Variants in SLC16A2 observed in about 807,000 individuals in gnomAD.
SLC16A2 encodes the protein solute carrier family 16 member 2, also known as monocarboxylate transporter 8.
A neutral mutation model predicts 27.2 loss-of-function variants in SLC16A2; 3 were observed. That is an observed-to-expected ratio of 0.11 (90% CI 0.05 to 0.28). SLC16A2 has a LOEUF of 0.28. SLC16A2 is among the 10% of genes least tolerant of loss of function. The probability of loss-of-function intolerance (pLI) is 1.00; values close to 1 mark genes in which losing one functional copy is unlikely to be tolerated. For missense variants in SLC16A2, 295 were observed against 458.5 expected (o/e 0.64, Z 3.26); for synonymous variants, 202 against 187.8 (o/e 1.08, Z -0.62).
At chrX:74,464,348 T>G (rs1227006016) in intron 1 of SLC16A2, among the ~76,000 whole-genome samples, 4 of 112,254 alleles carry the variant, frequency 3.6e-5, no homozygotes, top group African/African-American at 1.3e-4. Flanking sequence ...TGTGTGTCTC[T>G]TTGTACTCAA....
intron 1 of SLC16A2, among the ~76,000 whole-genome samples, chrX:74,428,360 C>T (rs370950608): frequency 2.4e-4 from 27 of 111,454 alleles, no homozygotes; most frequent in African/African-American, 7.5e-4. Context: ...TCCTCAACTT[C>T]GCTCCAGTTT....
At chrX:74,451,355 C>A (rs1928937204) in intron 1 of SLC16A2, among the ~76,000 whole-genome samples, 1 of 112,160 alleles carries the variant, frequency 8.9e-6, no homozygotes, top group Admixed American at 9.5e-5. Context: ...AAGCTGGTTA[C>A]TCATACCTCC....
Position 74,431,633 on chromosome X carries a change from A to G in SLC16A2, c.430+9566A>G, listed in dbSNP as rs1602104233. Among the ~76,000 whole-genome samples the G allele has an allele frequency of 2.7e-5, 3 of 112,234 alleles. No individual in the cohort carries two copies. In the Admixed American group the frequency reaches 2.8e-4, roughly 11 times the overall value. ...CCGGAACCTAAAATAAAAGTTGAAAAAGAAACTGTCTCTTCTTAGTTGTTT... is the reference window on the plus strand; with the variant it reads ...CCGGAACCTAAAATAAAAGTTGAAAGAGAAACTGTCTCTTCTTAGTTGTTT... On this transcript the variant is annotated intron_variant, in intron 1 of 5. Transcript: ENST00000587091.
intron 1 of SLC16A2, among the ~76,000 whole-genome samples, chrX:74,489,375 T>G (rs1929781658): frequency 8.9e-6 from 1 of 112,190 alleles, no homozygotes; most frequent in Admixed American, 9.5e-5. Context: ...TTTTATAGTT[T>G]TATAACCCTT....
chrX:74,512,414 T>C (rs1930248336), intron 1 of SLC16A2, among the ~76,000 whole-genome samples: 1 of 112,404 alleles, frequency 8.9e-6, no homozygotes, highest in South Asian at 3.7e-4. Context: ...TGTCAGGAAG[T>C]AGGGGCTCTT....
intron 1 of SLC16A2, among the ~76,000 whole-genome samples, chrX:74,518,580 ACT>A (rs1437463026): frequency 9.3e-6 from 1 of 107,998 alleles, no homozygotes; most frequent in Admixed American, 9.9e-5. Flanking sequence ...ACAGAATGAA[ACT>A]CTGTCTCAAG....
chrX:74,463,652 G>A (rs1337736431), intron 1 of SLC16A2, among the ~76,000 whole-genome samples: 4 of 110,113 alleles, frequency 3.6e-5, no homozygotes, highest in African/African-American at 9.9e-5. Context: ...TCAGCCTCCC[G>A]AGTAGCTGGG....
chrX:74,427,777 GTGCGCAAGCGCA>G (rs1928427815), intron 1 of SLC16A2, among the ~76,000 whole-genome samples: 8 of 104,866 alleles, frequency 7.6e-5, no homozygotes, highest in Admixed American at 1.0e-4. Flanking sequence ...ATATACACAT[GTGCGCAAGCGCA>G]TGCGCACGCG....
At chrX:74,478,118 G>A (rs1465232302) in intron 1 of SLC16A2, among the ~76,000 whole-genome samples, 1 of 111,707 alleles carries the variant, frequency 9.0e-6, no homozygotes, top group Non-Finnish European at 1.9e-5. Context: ...TTGTGTGGGA[G>A]TCTAAGTCTC....
At position 74,421,733 on chromosome X, in the gene SLC16A2, G is replaced by GCC. The variant is rs1276872691; in HGVS notation, c.96_97insCC (p.Ser33ProfsTer52). ...AGCCGGTGGGTAGCCCAGAGCCGGAGTCTGAGCCGGAGCCTGAGCCCGAGC... is the reference window on the plus strand; with the variant it reads ...AGCCGGTGGGTAGCCCAGAGCCGGAGCCTCTGAGCCGGAGCCTGAGCCCGAGC... On this transcript the variant is annotated frameshift_variant, in exon 1 of 6. Transcript: ENST00000587091. LOFTEE classifies it high-confidence loss of function. 8.6e-6 allele frequency: 10 copies of GCC among 1,162,038 alleles called. No homozygotes were observed. The Admixed American group carries it at 1.0e-4, about 12-fold the overall frequency.
In SLC16A2 at chrX:74,529,342, A is replaced by T; in HGVS notation, c.1300A>T (p.Ile434Phe). 8.3e-7 allele frequency: 1 copy of T among 1,207,686 alleles called. No homozygotes were observed. The highest frequency in any genetic ancestry group is 1.1e-6 in the Non-Finnish European group (1 of 893,273). The change falls in exon 5 of 6, where the codon ATT becomes TTT. Residue 434 changes from isoleucine (I) to phenylalanine (F), a missense_variant. Around this residue, in one of 3 missense-constraint regions of SLC16A2, gnomAD observed 144 missense variants for 219.8 expected, o/e 0.66. Coordinates refer to ENST00000587091, the MANE Select transcript of SLC16A2 (RefSeq NM_006517.5). ...CTTCTTCATCACCATCATGGCCCCC[A>T]TTGCATTTGAGCTGGTGGGCCCAAT... ...DGFFITIMAP[I>F]AFELVGPMQA...
chrX:74,506,940 T>TA (rs201260823), intron 1 of SLC16A2, among the ~76,000 whole-genome samples: 7,282 of 32,886 alleles, frequency 0.22, 276 homozygotes, highest in Non-Finnish European at 0.43. Flanking sequence ...TTTATTTATT[T>TA]TTTTTTTTTT....
chrX:74,498,559 T>A (rs757242252), intron 1 of SLC16A2, among the ~76,000 whole-genome samples: 1 of 111,781 alleles, frequency 8.9e-6, no homozygotes, highest in South Asian at 3.8e-4. Flanking sequence ...GGAGACTGAT[T>A]TGAGTAATAA....
intron 1 of SLC16A2, among the ~76,000 whole-genome samples, chrX:74,432,156 A>T (rs1357996151): frequency 5.4e-5 from 6 of 111,311 alleles, no homozygotes; most frequent in Non-Finnish European, 1.1e-4. Flanking sequence ...TTGGGGGCAG[A>T]TGGTGGGGTG....
chrX:74,525,526 G>A (rs940922863), intron 3 of SLC16A2, among the ~76,000 whole-genome samples: 7 of 111,598 alleles, frequency 6.3e-5, no homozygotes, highest in Admixed American at 9.5e-5. Context: ...TAGAAGGGGC[G>A]TGGAGGTACC....
chrX:74,521,194 T>G, intron 2 of SLC16A2, 60 bp downstream of exon 2: 1 of 1,166,028 alleles, frequency 8.6e-7, no homozygotes, highest in Non-Finnish European at 1.2e-6. Flanking sequence ...TTTCTGGGCT[T>G]TAGCTAGGGT....
intron 1 of SLC16A2, among the ~76,000 whole-genome samples, chrX:74,432,508 A>G (rs1044634761): frequency 1.2e-4 from 13 of 111,992 alleles, no homozygotes; most frequent in Admixed American, 4.7e-4. Context: ...TTTTTGTTGC[A>G]AACAACAAAA....
At chrX:74,486,321 A>T (rs1929720755) in intron 1 of SLC16A2, among the ~76,000 whole-genome samples, 1 of 112,075 alleles carries the variant, frequency 8.9e-6, no homozygotes, top group Admixed American at 9.4e-5. Flanking sequence ...ATTCTATAGG[A>T]AGCAGAAAAT....
intron 1 of SLC16A2, among the ~76,000 whole-genome samples, chrX:74,431,826 C>A (rs1928539162): frequency 9.0e-6 from 1 of 111,228 alleles, no homozygotes; most frequent in Non-Finnish European, 1.9e-5. Context: ...CCTTTTCCAG[C>A]CTCTAAAAAC....
Sources: gnomAD v4.1 joint callset for allele counts (sites outside exome capture counted in the v4.1 genomes callset) on GRCh38, gnomAD v4.1.1 for gene constraint, gnomAD v4.1.1 regional missense constraint, MANE v1.5 for transcripts, NCBI Gene and HGNC (gene_info 2026-07-23, HGNC 2026-07-21) for gene names.